The following TICAM1 variants were observed in gnomAD, a reference collection of about 807,000 sequenced individuals.
The protein encoded by TICAM1 is TIR domain containing adaptor molecule 1.
For synonymous variants in TICAM1, 439 were observed against 415.4 expected, an observed-to-expected ratio of 1.06 and a Z score of -0.69; for missense variants, 895 against 938.2, an observed-to-expected ratio of 0.95 and a Z score of 0.60.
At position 4,817,539 on chromosome 19, in the gene TICAM1, G is replaced by A; in HGVS notation, c.839C>T (p.Pro280Leu). 1 of 1,613,522 alleles carries A rather than the reference G, an allele frequency of 6.2e-7. No individual in the cohort carries two copies. The highest frequency in any genetic ancestry group is 2.2e-5 in the East Asian group (1 of 44,872). ...SPPPGLPEVA[P>L]DATSTGLPDT... ...AGGGAGGCCAGTGGAGGTTGCATCT[G>A]GGGCCACTTCGGGAAGCCCAGGAGG... Residue 280 changes from proline (P) to leucine (L), a missense_variant, in exon 2 of 2, where the codon CCA becomes CTA. By Grantham distance (98) the Pro-to-Leu change is moderately conservative. Coordinates refer to ENST00000248244, the MANE Select transcript of TICAM1 (RefSeq NM_182919.4). The surrounding 1 kb of genome is among the most constrained non-coding windows in gnomAD (Gnocchi z 4.7).
chr19:4,825,873 C>T (rs565674123), intron 1 of TICAM1, among the ~76,000 whole-genome samples: 131 of 152,098 alleles, frequency 8.6e-4, no homozygotes, highest in African/African-American at 3.1e-3. Context: ...ACAGGAGAAT[C>T]GCTTGAACCG....
chr19:4,822,969 T>A (rs2093600080), intron 1 of TICAM1, among the ~76,000 whole-genome samples: 1 of 152,158 alleles, frequency 6.6e-6, no homozygotes, highest in Non-Finnish European at 1.5e-5. Context: ...AGAAAAGGCC[T>A]TTTTTTGGTT....
At chr19:4,829,809 T>C (rs1283316176) in intron 1 of TICAM1, among the ~76,000 whole-genome samples, 17 of 114,122 alleles carry the variant, frequency 1.5e-4, no homozygotes, top group Middle Eastern at 4.4e-3. Context: ...TCATTTCTTT[T>C]TTTTTTTTTT....
At position 4,819,747 on chromosome 19, in the gene TICAM1, C is replaced by T. The variant is rs187796681; in HGVS notation, c.-139-1231G>A. 2.9e-3 allele frequency among the ~76,000 whole-genome samples: 441 copies of T among 152,022 alleles called. 2 individuals are homozygous for T. The highest frequency in any genetic ancestry group is 2.7e-3 in the Non-Finnish European group (185 of 67,976). ...AAAATTAGCCGGGTGTGGTGGTCCG[C>T]GCCTGTAGTCCCAGCTACTCAGGAG... On this transcript the variant is annotated intron_variant, in intron 1 of 1. Transcript: ENST00000248244.
Position 4,818,298 on chromosome 19 carries a change from T to C in TICAM1, c.80A>G (p.Lys27Arg), listed in dbSNP as rs1406783378. The change falls in exon 2 of 2, where the codon AAG becomes AGG. Residue 27 changes from lysine to arginine, a missense_variant. Coordinates refer to ENST00000248244, the MANE Select transcript of TICAM1 (RefSeq NM_182919.4). The surrounding 1 kb of genome is among the most constrained non-coding windows in gnomAD (Gnocchi z 4.0). ...TGGGCGTGGGGTCTTCAGTTTGTGCTTCAGATACAAGAGCTTGTCCTGGCC... is the reference window on the plus strand; with the variant it reads ...TGGGCGTGGGGTCTTCAGTTTGTGCCTCAGATACAAGAGCTTGTCCTGGCC... ...AAGQDKLLYL[K>R]HKLKTPRPGC... is the part of the protein sequence containing the mutation. The C allele has an allele frequency of 1.2e-6, 2 of 1,612,858 alleles. No homozygotes were observed. The highest frequency in any genetic ancestry group is 1.1e-5 in the South Asian group (1 of 91,082).
At chr19:4,826,644 T>C (rs978882298) in intron 1 of TICAM1, among the ~76,000 whole-genome samples, 2 of 152,132 alleles carry the variant, frequency 1.3e-5, no homozygotes, top group African/African-American at 2.4e-5. Context: ...TATATTTCTG[T>C]TGGACAGCAC....
At chr19:4,827,149 G>C (rs747607704) in intron 1 of TICAM1, among the ~76,000 whole-genome samples, 1 of 151,380 alleles carries the variant, frequency 6.6e-6, no homozygotes, top group Non-Finnish European at 1.5e-5. Flanking sequence ...TGAGGAGTTC[G>C]AGGCTAGCCT....
chr19:4,825,877 T>G (rs1245514101), intron 1 of TICAM1, among the ~76,000 whole-genome samples: 2 of 151,986 alleles, frequency 1.3e-5, no homozygotes, highest in Non-Finnish European at 2.9e-5. Context: ...GAGAATCGCT[T>G]GAACCGAGGA....
chr19:4,825,976 C>CAAAT lies in TICAM1; in HGVS notation c.-140+5634_-140+5637dup, dbSNP rs549346588. ...CTCCATCTCAAAATAAAGAAACAAA[C>CAAAT]AAATAAATAAATAAATAAAATTAAA... On this transcript the variant is annotated intron_variant, in intron 1 of 1. Coordinates refer to ENST00000248244, the MANE Select transcript of TICAM1 (RefSeq NM_182919.4). Among the ~76,000 whole-genome samples, 251 of 151,096 alleles carry CAAAT rather than the reference C, an allele frequency of 1.7e-3. 1 individual carries two copies. Among genetic ancestry groups the CAAAT allele is most frequent in the African/African-American group, 5.9e-3 (244 of 41,202 alleles).
At position 4,818,417 on chromosome 19, in the gene TICAM1, G is replaced by C; in HGVS notation, c.-40C>G. 6.5e-7 allele frequency: 1 copy of C among 1,538,526 alleles called. No individual in the cohort carries two copies. The highest frequency in any genetic ancestry group is 8.7e-7 in the Non-Finnish European group (1 of 1,144,072). On this transcript the variant is annotated 5_prime_UTR_variant, in exon 2 of 2. Coordinates refer to ENST00000248244, the MANE Select transcript of TICAM1 (RefSeq NM_182919.4). The surrounding 1 kb of genome is among the most constrained non-coding windows in gnomAD (Gnocchi z 4.0). ...GCAGCCTCCGGCAGCAGAAGCTGGA[G>C]GTGGTGAAGGCATGTTCCACACTGC... is the stretch of plus-strand genomic sequence containing the variant.
intron 1 of TICAM1, among the ~76,000 whole-genome samples, chr19:4,831,393 C>G (rs1214089613): frequency 6.9e-6 from 1 of 145,748 alleles, no homozygotes; most frequent in Non-Finnish European, 1.5e-5. Context: ...GGGAGGATCC[C>G]GACAGTGGGG....
intron 1 of TICAM1, among the ~76,000 whole-genome samples, chr19:4,824,066 T>C (rs1162352979): frequency 1.3e-5 from 2 of 152,028 alleles, no homozygotes; most frequent in African/African-American, 2.4e-5. Flanking sequence ...TGGAGTGCAG[T>C]GGTGCGATCT....
intron 1 of TICAM1, among the ~76,000 whole-genome samples, chr19:4,823,724 G>A (rs1230607117): frequency 2.6e-5 from 4 of 152,078 alleles, no homozygotes; most frequent in South Asian, 2.1e-4. Flanking sequence ...GGGAGAAGGC[G>A]GCCGTCTGCA....
rs1194878909 is a variant in TICAM1 at position 4,817,672 on chromosome 19, C to A, written c.706G>T (p.Ala236Ser). The stretch of plus-strand genomic sequence containing the variant: ...GGGACAGGCTCGGGCACCAAGCTGG[C>A]CTGGGGGTCGTCACAGAGCTTGCTG... ...GPSKLCDDPQASLVPEPVPGG... is the reference protein window; with the variant it reads ...GPSKLCDDPQSSLVPEPVPGG... The change falls in exon 2 of 2, where the codon GCC becomes TCC. Residue 236 changes from alanine (A) to serine (S), a missense_variant. Coordinates refer to ENST00000248244, the MANE Select transcript of TICAM1 (RefSeq NM_182919.4). This position sits in a 1 kb window ranked among gnomAD's most constrained non-coding sequence, Gnocchi z 4.7. 1.9e-6 allele frequency: 3 copies of A among 1,583,824 alleles called. No individual in the cohort carries two copies. The highest frequency in any genetic ancestry group is 2.6e-6 in the Non-Finnish European group (3 of 1,165,460).
chr19:4,827,313 G>A lies in TICAM1; in HGVS notation c.-140+4301C>T, dbSNP rs573790506. 1.4e-4 allele frequency among the ~76,000 whole-genome samples: 19 copies of A among 131,216 alleles called. No homozygotes were observed. In the South Asian group the frequency reaches 4.5e-3, roughly 31 times the overall value. 86.1% of individuals were successfully genotyped at this position (131,216 alleles called of 152,430 possible). ...TTGAACCCGGGAGGCGGAGGTTGCG[G>A]TGAGCTGAGATCATGCCATTGCACT... On this transcript the variant is annotated intron_variant, in intron 1 of 1. Coordinates refer to ENST00000248244, the MANE Select transcript of TICAM1 (RefSeq NM_182919.4).
chr19:4,822,505 A>G (rs2146175750), intron 1 of TICAM1, among the ~76,000 whole-genome samples: 1 of 152,352 alleles, frequency 6.6e-6, no homozygotes, highest in South Asian at 2.1e-4. Context: ...GGCCTCCCAA[A>G]GTGCTGGGAT....
intron 1 of TICAM1, among the ~76,000 whole-genome samples, chr19:4,823,259 G>A (rs1179170519): frequency 1.3e-5 from 2 of 152,164 alleles, no homozygotes; most frequent in African/African-American, 2.4e-5. Flanking sequence ...AAGGTCAGGA[G>A]TACGAGACCA....
At chr19:4,828,612 C>T (rs2093609257) in intron 1 of TICAM1, among the ~76,000 whole-genome samples, 1 of 151,976 alleles carries the variant, frequency 6.6e-6, no homozygotes, top group Non-Finnish European at 1.5e-5. Context: ...AGGCTCACTA[C>T]AGCCTCCGCA....
rs751024228 is a variant in TICAM1, at chr19:4,817,270, T to C, written c.1108A>G (p.Thr370Ala). 19 of 1,596,006 alleles carry C rather than the reference T, an allele frequency of 1.2e-5. No homozygotes were observed. Among genetic ancestry groups the C allele is most frequent in the Non-Finnish European group, 1.6e-5 (19 of 1,174,828 alleles). Residue 370 changes from threonine to alanine, a missense_variant, in exon 2 of 2, where the codon ACT becomes GCT. Thr to Ala is a moderately conservative substitution (Grantham distance 58). Coordinates refer to ENST00000248244, the MANE Select transcript of TICAM1 (RefSeq NM_182919.4). This position sits in a 1 kb window ranked among gnomAD's most constrained non-coding sequence, Gnocchi z 4.7. ...PPPPPPPPSS[T>A]PCSAHLTPSS... is the part of the protein sequence containing the mutation. ...GGGGTCAGGTGAGCTGAACAAGGAGTAGATGAAGGAGGAGGAGGAGGAGGA... is the reference window on the plus strand; with the variant it reads ...GGGGTCAGGTGAGCTGAACAAGGAGCAGATGAAGGAGGAGGAGGAGGAGGA...
Sources: allele counts gnomAD v4.1 joint callset (sites outside exome capture counted in the v4.1 genomes callset), GRCh38; gene constraint gnomAD v4.1.1; non-coding constraint Gnocchi (gnomAD v3.1); transcripts MANE v1.5; gene names NCBI Gene and HGNC (gene_info 2026-07-23, HGNC 2026-07-21).